The following CCNJL variants were observed in gnomAD, a reference collection of about 807,000 sequenced individuals.
The protein encoded by CCNJL is cyclin-J-like protein.
CCNJL carries 33 observed loss-of-function variants against 33.4 expected under a neutral mutation model. The ratio of observed to expected loss-of-function variants is 0.99; its 90% CI spans 0.75 to 1.32. CCNJL has a LOEUF of 1.32. Among genes scored for constraint, CCNJL ranks in the 40% most tolerant of loss-of-function variants. CCNJL has a pLI of 0.00. For missense variants in CCNJL, 512 were observed against 499.7 expected (o/e 1.02, Z -0.23); for synonymous variants, 227 against 220.9 (o/e 1.03, Z -0.24).
At chr5:160,323,498 G>C (rs1763499804) in intron 1 of CCNJL, among the ~76,000 whole-genome samples, 1 of 152,160 alleles carries the variant, frequency 6.6e-6, no homozygotes, top group Non-Finnish European at 1.5e-5. Context: ...AGAGCTATTG[G>C]CAACTCATGC....
rs889325952 is a variant in CCNJL, at chr5:160,255,300, G to A, written c.743+249C>T. On this transcript the variant is annotated intron_variant, in intron 5 of 5. Transcript: ENST00000257536. ...TGCACTCCAGCCTGGGTGACAGAGC[G>A]AGACTCTGTCTCAAAAAAAAAATAA... 4.1e-5 allele frequency: 11 copies of A among 270,616 alleles called. 1 individual carries two copies. Among genetic ancestry groups the A allele is most frequent in the South Asian group, 1.9e-4 (2 of 10,402 alleles). The allele number at this position is 270,616 out of a possible 1,614,324, so 16.8% of individuals were successfully genotyped here.
At position 160,249,307 on chromosome 5, in the gene CCNJL, A is replaced by T. The variant is rs565773944; in HGVS notation, c.*4071T>A. 2.0e-5 allele frequency: 3 copies of T among 152,356 alleles called. No individual in the cohort carries two copies. In the East Asian group the frequency reaches 5.8e-4, roughly 29 times the overall value. The allele number at this position is 152,356 out of a possible 1,614,324, so 9.4% of individuals were successfully genotyped here. The stretch of plus-strand genomic sequence containing the variant: ...ATAAATTGGGTTAGGTGGGAAAAAT[A>T]ATTTTAAAAGGTGGAAAAAGTTCTA... On this transcript the variant is annotated 3_prime_UTR_variant, in exon 6 of 6. Transcript: ENST00000257536.
At chr5:160,289,141 C>G (rs1013012703) in intron 2 of CCNJL, among the ~76,000 whole-genome samples, 11 of 152,176 alleles carry the variant, frequency 7.2e-5, no homozygotes, top group African/African-American at 2.4e-4. Flanking sequence ...GAGGCCATCC[C>G]TGACCTCCCT....
intron 2 of CCNJL, among the ~76,000 whole-genome samples, chr5:160,297,586 G>A (rs1024488692): frequency 6.6e-6 from 1 of 150,958 alleles, no homozygotes; most frequent in Non-Finnish European, 1.5e-5. Flanking sequence ...AAGCCAAGGT[G>A]GGAGGATCGC....
intron 4 of CCNJL, among the ~76,000 whole-genome samples, chr5:160,256,504 C>T (rs940354964): frequency 5.9e-5 from 9 of 152,154 alleles, no homozygotes; most frequent in African/African-American, 1.9e-4. Context: ...ATCTTAATGT[C>T]CAACTAAGAT....
chr5:160,291,400 C>T (rs899398410), intron 2 of CCNJL, among the ~76,000 whole-genome samples: 2 of 152,146 alleles, frequency 1.3e-5, no homozygotes, highest in Non-Finnish European at 2.9e-5. Context: ...TTAAAGGAAG[C>T]CTATATTAGC....
At chr5:160,265,403 C>G (rs529109085) in intron 3 of CCNJL, among the ~76,000 whole-genome samples, 1 of 152,098 alleles carries the variant, frequency 6.6e-6, no homozygotes, top group South Asian at 2.1e-4. Flanking sequence ...TTTGGGAGAC[C>G]GAAGCAGGCG....
At chr5:160,288,206 C>T (rs1262970914) in intron 2 of CCNJL, among the ~76,000 whole-genome samples, 3 of 150,180 alleles carry the variant, frequency 2.0e-5, no homozygotes, top group East Asian at 1.9e-4. Flanking sequence ...GAGGAGAGGT[C>T]GGGATGGGCA....
At chr5:160,273,096 T>C (rs989480141) in intron 3 of CCNJL, among the ~76,000 whole-genome samples, 2 of 152,218 alleles carry the variant, frequency 1.3e-5, no homozygotes, top group African/African-American at 2.4e-5. Flanking sequence ...TGTGTAAATA[T>C]ATCTGGTCAA....
At chr5:160,316,959 C>T (rs948960772), upstream of CCNJL, among the ~76,000 whole-genome samples, 1 of 152,230 alleles carries the variant, frequency 6.6e-6, no homozygotes, top group South Asian at 2.1e-4. Flanking sequence ...CTCAAATACT[C>T]AACTGTCCAG....
At chr5:160,315,142 A>G (rs78084394), upstream of CCNJL, among the ~76,000 whole-genome samples, 258 of 152,308 alleles carry the variant, frequency 1.7e-3, 1 homozygote, top group Non-Finnish European at 3.2e-3. Flanking sequence ...TAAAGGATGC[A>G]TGATGAATTG....
chr5:160,311,161 G>A (rs978883029), intron 2 of CCNJL, among the ~76,000 whole-genome samples: 4 of 152,106 alleles, frequency 2.6e-5, no homozygotes, highest in Non-Finnish European at 4.4e-5. Context: ...CTCCTTGAGG[G>A]GAGGGGTGTG....
chr5:160,302,729 T>C (rs529390119), intron 2 of CCNJL, among the ~76,000 whole-genome samples: 31 of 152,092 alleles, frequency 2.0e-4, no homozygotes, highest in African/African-American at 7.2e-4. Context: ...GGAGAATCAT[T>C]TGTCCCCAGG....
intron 2 of CCNJL, among the ~76,000 whole-genome samples, chr5:160,282,431 A>G (rs1038502727): frequency 6.6e-6 from 1 of 152,228 alleles, no homozygotes; most frequent in African/African-American, 2.4e-5. Context: ...CACTAAAACA[A>G]GAAGCATCAA....
At chr5:160,256,441 G>A (rs1304857941) in intron 4 of CCNJL, among the ~76,000 whole-genome samples, 1 of 152,202 alleles carries the variant, frequency 6.6e-6, no homozygotes, top group African/African-American at 2.4e-5. Context: ...TGAATGAGTG[G>A]TTGTAAGACT....
chr5:160,276,065 A>G (rs956224728), intron 3 of CCNJL, among the ~76,000 whole-genome samples: 9 of 152,156 alleles, frequency 5.9e-5, no homozygotes, highest in African/African-American at 2.2e-4. Context: ...GGATAAACAC[A>G]CTGTGGGATA....
chr5:160,280,479 G>A, intron 3 of CCNJL, 46 bp downstream of exon 3: 4 of 1,483,482 alleles, frequency 2.7e-6, no homozygotes, highest in Non-Finnish European at 3.7e-6. Context: ...GCACTGAGCG[G>A]GAGGAGACCG....
chr5:160,299,678 G>A (rs1057371376), intron 2 of CCNJL, among the ~76,000 whole-genome samples: 2 of 151,638 alleles, frequency 1.3e-5, no homozygotes, highest in African/African-American at 4.8e-5. Context: ...GTCTGGGGGA[G>A]CAGATGAAAC....
At chr5:160,271,930 C>T (rs1464038482) in intron 3 of CCNJL, among the ~76,000 whole-genome samples, 2 of 152,188 alleles carry the variant, frequency 1.3e-5, no homozygotes, top group East Asian at 1.9e-4. Flanking sequence ...CCTGCAAGGG[C>T]GCTGCCACGT....
Sources: allele counts gnomAD v4.1 joint callset (sites outside exome capture counted in the v4.1 genomes callset), GRCh38; gene constraint gnomAD v4.1.1; transcripts MANE v1.5; gene names NCBI Gene and HGNC (gene_info 2026-07-23, HGNC 2026-07-21).